Variants in NOS1 observed in about 807,000 individuals in gnomAD.
The protein encoded by NOS1 is nitric oxide synthase 1.
NOS1 carries 51 observed loss-of-function variants against 164.5 expected under a neutral mutation model. That is an observed-to-expected ratio of 0.31 (90% CI 0.25 to 0.39). NOS1 has a LOEUF of 0.39. Among genes scored for constraint, NOS1 ranks in the 10% least tolerant of loss-of-function variants. The pLI, the probability that NOS1 is intolerant of heterozygous loss-of-function variation, is 1.00. For missense variants in NOS1, 1,362 were observed against 1,885.6 expected, an observed-to-expected ratio of 0.72 and a Z score of 5.14; for synonymous variants, 719 against 745.8, an observed-to-expected ratio of 0.96 and a Z score of 0.59.
chr12:117,333,277 C>T (rs931789559), intron 1 of NOS1, among the ~76,000 whole-genome samples: 3 of 152,228 alleles, frequency 2.0e-5, no homozygotes, highest in Non-Finnish European at 4.4e-5. Context: ...TCCCTGCTCC[C>T]CACTCAAGTG....
At position 117,215,126 on chromosome 12, in the gene NOS1, T is replaced by G; in HGVS notation, c.*183A>C. ...AAGCATTGCATCGCAGCAGGAAAAC[T>G]CAAGGAGTAAACCCAGGAGGGCCGA... On this transcript the variant is annotated 3_prime_UTR_variant, in exon 29 of 29. Coordinates refer to ENST00000317775, the MANE Select transcript of NOS1 (RefSeq NM_000620.5). 7.7e-7 allele frequency: 1 copy of G among 1,303,294 alleles called. No individual in the cohort carries two copies. Among genetic ancestry groups the G allele is most frequent in the Non-Finnish European group, 9.8e-7 (1 of 1,017,734 alleles). 80.7% of individuals were successfully genotyped at this position (1,303,294 alleles called of 1,614,324 possible).
intron 11 of NOS1, among the ~76,000 whole-genome samples, chr12:117,265,713 T>A (rs1044946841): frequency 6.6e-5 from 10 of 152,318 alleles, no homozygotes; most frequent in Non-Finnish European, 1.2e-4. Flanking sequence ...GGTGCTATTG[T>A]GTCTTTAACA....
chr12:117,214,948 G>A lies in NOS1; in HGVS notation c.*361C>T. On this transcript the variant is annotated 3_prime_UTR_variant, in exon 29 of 29. Coordinates refer to ENST00000317775, the MANE Select transcript of NOS1 (RefSeq NM_000620.5). ...TGAGGGACTGGCTCAGAGAGCTTGT[G>A]CCTAGTTCCTGCAGCCTTTCCAGGG... 9.5e-7 allele frequency: 1 copy of A among 1,056,020 alleles called. No homozygotes were observed. Among genetic ancestry groups the A allele is most frequent in the Non-Finnish European group, 1.1e-6 (1 of 876,348 alleles). 65.4% of individuals were successfully genotyped at this position (1,056,020 alleles called of 1,614,324 possible).
chr12:117,213,013 T>G lies in NOS1; in HGVS notation c.*2296A>C. 7.1e-6 allele frequency: 7 copies of G among 985,464 alleles called. No homozygotes were observed. Among genetic ancestry groups the G allele is most frequent in the Non-Finnish European group, 8.4e-6 (7 of 829,936 alleles). The allele number at this position is 985,464 out of a possible 1,614,324, so 61.0% of individuals were successfully genotyped here. ...AGAAGGATGAATCCTGGTTTTATAA[T>G]CATTTCTTTGGACTCCTTGACAAAA... On this transcript the variant is annotated 3_prime_UTR_variant, in exon 29 of 29. Coordinates refer to ENST00000317775, the MANE Select transcript of NOS1 (RefSeq NM_000620.5).
chr12:117,252,470 C>T (rs185603229), intron 17 of NOS1, among the ~76,000 whole-genome samples: 5 of 152,260 alleles, frequency 3.3e-5, no homozygotes, highest in African/African-American at 4.8e-5. Context: ...CCAGAACTGA[C>T]GTTTCAGTGT....
At position 117,330,359 on chromosome 12, in the gene NOS1, T is replaced by G; in HGVS notation, c.711A>C (p.Gly237=). Reference sequence around the variant, plus strand: ...GTGGAGCTTACCTGTCCACCTGGATTCCCATATCTTTCATCTCTGCCTTGG... The same window carrying G: ...GTGGAGCTTACCTGTCCACCTGGATGCCCATATCTTTCATCTCTGCCTTGG... ...APAKAEMKDM[G]IQVDRDLDGK... The change falls in exon 2 of 29, where the codon GGA becomes GGC. Residue 237 remains glycine, a synonymous_variant. Transcript: ENST00000317775. This position sits in a 1 kb window ranked among gnomAD's most constrained non-coding sequence, Gnocchi z 4.6. The G allele has an allele frequency of 6.2e-7, 1 of 1,611,996 alleles. No individual in the cohort carries two copies. The highest frequency in any genetic ancestry group is 8.5e-7 in the Non-Finnish European group (1 of 1,178,794).
chr12:117,321,622 C>T (rs529563488), intron 2 of NOS1, among the ~76,000 whole-genome samples: 40 of 152,128 alleles, frequency 2.6e-4, no homozygotes, highest in African/African-American at 9.2e-4. Flanking sequence ...TTCAAGTGGG[C>T]AAGATCAGAA....
At chr12:117,322,446 C>T (rs1875011961) in intron 2 of NOS1, among the ~76,000 whole-genome samples, 1 of 137,596 alleles carries the variant, frequency 7.3e-6, no homozygotes, top group Non-Finnish European at 1.6e-5. Context: ...CCTGCTTTCC[C>T]TCCATCCTTC....
chr12:117,269,910 T>C (rs902323133), intron 10 of NOS1, among the ~76,000 whole-genome samples: 1 of 152,192 alleles, frequency 6.6e-6, no homozygotes, highest in African/African-American at 2.4e-5. Flanking sequence ...ATGAGGCCCC[T>C]GCCAGACTCC....
At position 117,330,300 on chromosome 12, in the gene NOS1, G is replaced by GCAAACACA; in HGVS notation, c.725+44_725+45insTGTGTTTG. 5.4e-6 allele frequency: 8 copies of GCAAACACA among 1,491,268 alleles called. No homozygotes were observed. The highest frequency in any genetic ancestry group is 1.4e-5 in the African/African-American group (1 of 71,148). 92.4% of individuals were successfully genotyped at this position (1,491,268 alleles called of 1,614,324 possible). A position where few individuals can be genotyped will look rare whatever the true frequency, so the allele number is the denominator to read the frequency against. ...GACGCACATGCACACACACAAGCAT[G>GCAAACACA]CACACACACACACACACACACACAC... On this transcript the variant is annotated intron_variant, in intron 2 of 28. Coordinates refer to ENST00000317775, the MANE Select transcript of NOS1 (RefSeq NM_000620.5). The surrounding 1 kb of genome is among the most constrained non-coding windows in gnomAD (Gnocchi z 4.6).
chr12:117,276,907 T>C (rs1171013613), intron 9 of NOS1, among the ~76,000 whole-genome samples: 1 of 152,188 alleles, frequency 6.6e-6, no homozygotes, highest in Non-Finnish European at 1.5e-5. Context: ...AGTTGCTTCC[T>C]TAGCGTTGCA....
At chr12:117,242,266 T>C (rs145458425) in intron 20 of NOS1, among the ~76,000 whole-genome samples, 113 of 152,278 alleles carry the variant, frequency 7.4e-4, no homozygotes, top group African/African-American at 2.6e-3. Flanking sequence ...TAGCACTCCA[T>C]TAAAAAAATT....
At chr12:117,354,184 T>A (rs937420353) in intron 1 of NOS1, among the ~76,000 whole-genome samples, 1 of 151,634 alleles carries the variant, frequency 6.6e-6, no homozygotes, top group Non-Finnish European at 1.5e-5. Flanking sequence ...CAAGAAATCC[T>A]ACACCTTGCC....
chr12:117,357,092 G>A (rs1056510359), intron 1 of NOS1, among the ~76,000 whole-genome samples: 4 of 152,158 alleles, frequency 2.6e-5, no homozygotes, highest in Non-Finnish European at 4.4e-5. Context: ...GGAGGCCAAG[G>A]CAGGCAGATG....
intron 16 of NOS1, among the ~76,000 whole-genome samples, chr12:117,257,199 T>A (rs1871529768): frequency 6.6e-6 from 1 of 152,182 alleles, no homozygotes; most frequent in African/African-American, 2.4e-5. Context: ...TCCTCCTGCC[T>A]CAGCCTCTGG....
chr12:117,289,791 T>C (rs988305507), intron 4 of NOS1, among the ~76,000 whole-genome samples: 41 of 149,714 alleles, frequency 2.7e-4, no homozygotes, highest in African/African-American at 9.5e-4. Flanking sequence ...TCTGTTCCCA[T>C]ATATTTTCTT....
intron 25 of NOS1, 123 bp downstream of exon 25, chr12:117,224,893 A>G (rs1868516437): frequency 7.7e-7 from 1 of 1,306,862 alleles, no homozygotes; most frequent in African/African-American, 1.4e-5. Flanking sequence ...TACACGCCCC[A>G]GCTTTTCTGA....
chr12:117,270,772 A>G (rs1872730237), intron 10 of NOS1, among the ~76,000 whole-genome samples: 2 of 152,156 alleles, frequency 1.3e-5, no homozygotes. Flanking sequence ...GTGGTGGCTC[A>G]CCCCTGTAAT....
At chr12:117,286,042 C>T (rs1874089057) in intron 6 of NOS1, 62 bp downstream of exon 6, 4 of 1,576,766 alleles carry the variant, frequency 2.5e-6, no homozygotes, top group Admixed American at 3.4e-5. Context: ...AAGCTCCATC[C>T]ACTCCCCTTC....
Sources: allele counts gnomAD v4.1 joint callset (sites outside exome capture counted in the v4.1 genomes callset), GRCh38; gene constraint gnomAD v4.1.1; non-coding constraint Gnocchi (gnomAD v3.1); transcripts MANE v1.5; gene names NCBI Gene and HGNC (gene_info 2026-07-23, HGNC 2026-07-21).